The following CHCHD3 variants were observed in gnomAD, a reference collection of about 807,000 sequenced individuals.
CHCHD3 encodes coiled-coil-helix-coiled-coil-helix domain containing 3.
A neutral mutation model predicts 38.2 loss-of-function variants in CHCHD3; 20 were observed. The ratio of observed to expected loss-of-function variants is 0.52; its 90% CI spans 0.37 to 0.76. CHCHD3 has a LOEUF of 0.76. CHCHD3 is among the 30% of genes least tolerant of loss of function. The pLI is 0.00. For missense variants in CHCHD3, 245 were observed against 279.2 expected (o/e 0.88, Z 0.87); for synonymous variants, 82 against 100.0 (o/e 0.82, Z 1.07).
intron 3 of CHCHD3, among the ~76,000 whole-genome samples, chr7:133,009,183 T>A (rs1286946276): frequency 6.6e-6 from 1 of 151,606 alleles, no homozygotes; most frequent in African/African-American, 2.4e-5. Flanking sequence ...GGCCAACATG[T>A]GACACCCCAT....
At chr7:132,980,656 T>C (rs745556372) in intron 3 of CHCHD3, among the ~76,000 whole-genome samples, 9 of 152,286 alleles carry the variant, frequency 5.9e-5, no homozygotes, top group African/African-American at 1.2e-4. Flanking sequence ...CCTCAGTATA[T>C]TGTCAATCAG....
intron 2 of CHCHD3, among the ~76,000 whole-genome samples, chr7:133,043,819 T>C (rs1008722097): frequency 1.4e-4 from 22 of 152,162 alleles, no homozygotes; most frequent in African/African-American, 5.1e-4. Context: ...TGGGGGAGGA[T>C]AGTTTTTATT....
At chr7:133,013,787 G>A (rs1314219892) in intron 3 of CHCHD3, among the ~76,000 whole-genome samples, 1 of 152,074 alleles carries the variant, frequency 6.6e-6, no homozygotes, top group Non-Finnish European at 1.5e-5. Flanking sequence ...TAGGGAGTAA[G>A]AATAAGGGAA....
At chr7:132,993,109 T>C (rs1294787468) in intron 3 of CHCHD3, among the ~76,000 whole-genome samples, 2 of 152,174 alleles carry the variant, frequency 1.3e-5, no homozygotes, top group Non-Finnish European at 2.9e-5. Flanking sequence ...TATCTGGAAG[T>C]TCATAAGGCT....
At chr7:132,937,584 C>G (rs561151973) in intron 4 of CHCHD3, among the ~76,000 whole-genome samples, 110 of 152,224 alleles carry the variant, frequency 7.2e-4, no homozygotes, top group Middle Eastern at 3.4e-3. Context: ...AATAATACTT[C>G]CATGCATTTT....
At chr7:132,820,611 G>GTTTTTTTTTTTTTTTTTTTT in intron 6 of CHCHD3, among the ~76,000 whole-genome samples, 1 of 96,190 alleles carries the variant, frequency 1.0e-5, no homozygotes, top group African/African-American at 3.9e-5. Context: ...ATGTGCTAGT[G>GTTTTTTTTTTTTTTTTTTTT]TTTTTTTTTT....
intron 6 of CHCHD3, among the ~76,000 whole-genome samples, chr7:132,805,337 T>TG (rs1403735609): frequency 2.2e-5 from 3 of 138,644 alleles, no homozygotes; most frequent in Non-Finnish European, 4.7e-5. Flanking sequence ...AGGGGTAGTC[T>TG]GGGGGGGTTC....
intron 4 of CHCHD3, among the ~76,000 whole-genome samples, chr7:132,956,022 C>G (rs1397919040): frequency 6.6e-6 from 1 of 152,188 alleles, no homozygotes; most frequent in East Asian, 1.9e-4. Flanking sequence ...TTAACAGAGC[C>G]TGACTAAAGT....
intron 4 of CHCHD3, among the ~76,000 whole-genome samples, chr7:132,948,703 A>G (rs1810962950): frequency 6.6e-6 from 1 of 152,140 alleles, no homozygotes; most frequent in Admixed American, 6.6e-5. Context: ...ACCATTACAC[A>G]CTGACAATTG....
intron 2 of CHCHD3, among the ~76,000 whole-genome samples, chr7:133,037,629 A>G (rs1813716158): frequency 6.6e-6 from 1 of 152,272 alleles, no homozygotes; most frequent in African/African-American, 2.4e-5. Context: ...CCTGGCCAAC[A>G]TGGTGAAACC....
chr7:132,905,420 G>A lies in CHCHD3; in HGVS notation c.370-19675C>T, dbSNP rs148843414. On this transcript the variant is annotated intron_variant, in intron 4 of 7. Coordinates refer to ENST00000262570, the MANE Select transcript of CHCHD3 (RefSeq NM_017812.4). ...CAATGAGAACACATGGACACATGGGGGGAAACAACACACACTGGGGCCTGC... is the reference window on the plus strand; with the variant it reads ...CAATGAGAACACATGGACACATGGGAGGAAACAACACACACTGGGGCCTGC... Among the ~76,000 whole-genome samples the A allele has an allele frequency of 6.5e-3, 983 of 152,048 alleles. 11 individuals are homozygous for A. Among genetic ancestry groups the A allele is most frequent in the African/African-American group, 0.022 (911 of 41,484 alleles).
intron 4 of CHCHD3, among the ~76,000 whole-genome samples, chr7:132,900,448 TCA>T (rs1716444642): frequency 1.3e-5 from 2 of 152,122 alleles, no homozygotes; most frequent in Admixed American, 6.6e-5. Context: ...CCACATACCC[TCA>T]CAGAGTGAGC....
chr7:133,072,279 T>C (rs953378721), intron 1 of CHCHD3, among the ~76,000 whole-genome samples: 5 of 151,784 alleles, frequency 3.3e-5, no homozygotes, highest in African/African-American at 9.7e-5. Context: ...AAAAAAGCTA[T>C]TATGGTAATC....
intron 3 of CHCHD3, among the ~76,000 whole-genome samples, chr7:132,990,360 G>C (rs1187608176): frequency 6.6e-6 from 1 of 152,154 alleles, no homozygotes; most frequent in Non-Finnish European, 1.5e-5. Context: ...CAATCATGAA[G>C]TCAGCTGGAA....
At chr7:132,844,272 T>C (rs1273199773) in intron 5 of CHCHD3, among the ~76,000 whole-genome samples, 2 of 152,172 alleles carry the variant, frequency 1.3e-5, no homozygotes, top group African/African-American at 4.8e-5. Context: ...CACTCCAGCC[T>C]TGGCGACAGA....
chr7:132,896,945 A>T (rs1246683841), intron 4 of CHCHD3, among the ~76,000 whole-genome samples: 5 of 152,196 alleles, frequency 3.3e-5, no homozygotes, highest in Non-Finnish European at 5.9e-5. Flanking sequence ...TAGAGCAGGA[A>T]GGGGTTTTTA....
intron 6 of CHCHD3, among the ~76,000 whole-genome samples, chr7:132,805,528 G>A (rs1040843868): frequency 3.3e-5 from 5 of 152,126 alleles, no homozygotes; most frequent in Non-Finnish European, 7.3e-5. Flanking sequence ...TAAGAAGGGA[G>A]GGGCCGGGAT....
intron 4 of CHCHD3, among the ~76,000 whole-genome samples, chr7:132,948,467 C>T (rs1810952924): frequency 6.6e-6 from 1 of 152,218 alleles, no homozygotes. Context: ...AACGTAACAG[C>T]TTCCCAAGGA....
At chr7:133,066,256 CTT>C (rs11451085) in intron 2 of CHCHD3, among the ~76,000 whole-genome samples, 133 of 142,834 alleles carry the variant, frequency 9.3e-4, no homozygotes, top group African/African-American at 9.0e-4. Flanking sequence ...AGATGGCATA[CTT>C]TTTTTTTTTT....
Sources: allele counts gnomAD v4.1 joint callset (sites outside exome capture counted in the v4.1 genomes callset), GRCh38; gene constraint gnomAD v4.1.1; transcripts MANE v1.5; gene names NCBI Gene and HGNC (gene_info 2026-07-23, HGNC 2026-07-21).